Variants in MGAT1 observed in about 807,000 individuals in gnomAD.
MGAT1 encodes the protein N-glycosyl-oligosaccharide-glycoprotein N-acetylglucosaminyltransferase I.
A neutral mutation model predicts 31.7 loss-of-function variants in MGAT1; 14 were observed. The observed-to-expected ratio is 0.44, with a 90% CI of 0.29 to 0.69. The LOEUF (loss-of-function observed/expected upper bound fraction) is 0.69, where lower values mean the gene tolerates loss of function less well. Among genes scored for constraint, MGAT1 ranks in the 30% least tolerant of loss-of-function variants. The pLI is 0.12. For synonymous variants in MGAT1, 338 were observed against 276.0 expected, an observed-to-expected ratio of 1.22 and a Z score of -2.23; for missense variants, 557 against 626.0, an observed-to-expected ratio of 0.89 and a Z score of 1.18.
rs1330486305 is a variant in MGAT1, at chr5:180,787,706, C to T, written c.*3928G>A. 2.0e-5 allele frequency: 3 copies of T among 152,256 alleles called. No homozygotes were observed. The highest frequency in any genetic ancestry group is 4.4e-5 in the Non-Finnish European group (3 of 68,070). 9.4% of individuals were successfully genotyped at this position (152,256 alleles called of 1,614,324 possible). A position where few individuals can be genotyped will look rare whatever the true frequency, so the allele number is the denominator to read the frequency against. On this transcript the variant is annotated 3_prime_UTR_variant, in exon 2 of 2. Transcript: ENST00000307826. ...TATCTAACCCTCTAAATGCCCCCCACCTCCCACCCTCTTGGCCTGCTCTGA... is the reference window on the plus strand; with the variant it reads ...TATCTAACCCTCTAAATGCCCCCCATCTCCCACCCTCTTGGCCTGCTCTGA...
chr5:180,787,028 G>A lies in MGAT1; in HGVS notation c.*4606C>T, dbSNP rs1394517901. The stretch of plus-strand genomic sequence containing the variant: ...TCGAGGGAGCCAAGGTGAACAGCAG[G>A]AAAAGGAAAGCAGTGGAGACAGAGA... On this transcript the variant is annotated 3_prime_UTR_variant, in exon 2 of 2. Transcript: ENST00000307826. 1 of 152,358 alleles carries A rather than the reference G, an allele frequency of 6.6e-6. No homozygotes were observed. Among genetic ancestry groups the A allele is most frequent in the Non-Finnish European group, 1.5e-5 (1 of 68,172 alleles). 9.4% of individuals were successfully genotyped at this position (152,358 alleles called of 1,614,324 possible). A position where few individuals can be genotyped will look rare whatever the true frequency, so the allele number is the denominator to read the frequency against.
Position 180,792,276 on chromosome 5 carries a change from G to A in MGAT1, c.696C>T (p.Asp232=). 6.2e-7 allele frequency: 1 copy of A among 1,612,284 alleles called. No individual in the cohort carries two copies. Among genetic ancestry groups the A allele is most frequent in the Non-Finnish European group, 8.5e-7 (1 of 1,179,286 alleles). Residue 232 remains aspartate, a synonymous_variant, in exon 2 of 2, where the codon GAC becomes GAT. Transcript: ENST00000307826. ...AGGCCGAGACGCACCACAGGGAGGG[G>A]TCGGCCTTCAGCAGCGGATAGGTGG... is the stretch of plus-strand genomic sequence containing the variant. ...FRATYPLLKA[D]PSLWCVSAWN...
At chr5:180,800,488 G>C (rs1209246818) in intron 1 of MGAT1, among the ~76,000 whole-genome samples, 4 of 152,196 alleles carry the variant, frequency 2.6e-5, no homozygotes, top group Admixed American at 2.6e-4. Context: ...CATGTCTGTA[G>C]GATGATGTTG....
upstream of MGAT1, chr5:180,803,951 G>GA (rs1390308887): frequency 6.6e-6 from 1 of 152,538 alleles, no homozygotes; most frequent in African/African-American, 2.4e-5. Flanking sequence ...CCAGAGCACG[G>GA]AGCAGCCCGG....
intron 1 of MGAT1, chr5:180,795,454 T>C (rs1014407737): frequency 6.6e-6 from 1 of 152,158 alleles, no homozygotes. Flanking sequence ...ATATGGACAG[T>C]AGGTTAAAGT....
chr5:180,796,607 G>GT (rs1016451383), intron 1 of MGAT1, among the ~76,000 whole-genome samples: 39 of 151,832 alleles, frequency 2.6e-4, no homozygotes, highest in Admixed American at 7.2e-4. Context: ...AAGAGTTTCA[G>GT]TTTTTTTTCT....
intron 1 of MGAT1, among the ~76,000 whole-genome samples, chr5:180,797,091 A>G (rs1181781389): frequency 6.6e-6 from 1 of 152,008 alleles, no homozygotes; most frequent in African/African-American, 2.4e-5. Context: ...TATTCAGTGA[A>G]GTGCTGCTCT....
Position 180,789,367 on chromosome 5 carries a change from C to A in MGAT1, c.*2267G>T, listed in dbSNP as rs1368015175. ...GTGCGATCTCAGGTCACTGCAACCA[C>A]CCCGTCCCGGGTTCAAGCAATTCTC... On this transcript the variant is annotated 3_prime_UTR_variant, in exon 2 of 2. Transcript: ENST00000307826. 1 of 152,248 alleles carries A rather than the reference C, an allele frequency of 6.6e-6. No individual in the cohort carries two copies. The highest frequency in any genetic ancestry group is 1.5e-5 in the Non-Finnish European group (1 of 68,120). 9.4% of individuals were successfully genotyped at this position (152,248 alleles called of 1,614,324 possible).
At chr5:180,796,492 C>T (rs1769398534) in intron 1 of MGAT1, among the ~76,000 whole-genome samples, 1 of 152,154 alleles carries the variant, frequency 6.6e-6, no homozygotes, top group Non-Finnish European at 1.5e-5. Flanking sequence ...TACTGCTGTG[C>T]CCAGCTGGGG....
At chr5:180,796,261 A>C (rs10464106) in intron 1 of MGAT1, among the ~76,000 whole-genome samples, 18,932 of 152,098 alleles carry the variant, frequency 0.12, 1,253 homozygotes, top group East Asian at 0.24. Context: ...GGGAGACTTC[A>C]CCAGCCCCTG....
intron 2 of MGAT1, among the ~76,000 whole-genome samples, chr5:180,808,146 C>T (rs565452713): frequency 7.2e-5 from 11 of 152,154 alleles, no homozygotes; most frequent in Non-Finnish European, 1.5e-4. Context: ...TGCTCTTTTC[C>T]CGAGCTTTCA....
chr5:180,792,092 G>T lies in MGAT1; in HGVS notation c.880C>A (p.Arg294=), dbSNP rs369862178. The T allele has an allele frequency of 1.2e-6, 2 of 1,613,060 alleles. No individual in the cohort carries two copies. Among genetic ancestry groups the T allele is most frequent in the Non-Finnish European group, 1.7e-6 (2 of 1,179,890 alleles). Residue 294 remains arginine, a synonymous_variant, in exon 2 of 2, where the codon CGG becomes AGG. Transcript: ENST00000307826. ...GCCCGCCCCTGCCGCTGCTCCGGCC[G>T]CCGCATCCAGTCGTCCCAGAAGGCC... ...PKAFWDDWMR[R]PEQRQGRACI...
Position 180,792,528 on chromosome 5 carries a change from C to T in MGAT1, c.444G>A (p.Thr148=), listed in dbSNP as rs7726357. The change falls in exon 2 of 2, where the codon ACG becomes ACA. Residue 148 remains threonine (T), a synonymous_variant. Transcript: ENST00000307826. ...IVSQDCGHEE[T]AQAIASYGSA... is the part of the protein sequence containing the mutation. ...TGCCGTAGGAGGCGATGGCCTGGGCCGTCTCCTCGTGCCCGCAGTCCTGGC... is the reference window on the plus strand; with the variant it reads ...TGCCGTAGGAGGCGATGGCCTGGGCTGTCTCCTCGTGCCCGCAGTCCTGGC... The T allele has an allele frequency of 4.1e-4, 661 of 1,612,986 alleles. 4 individuals carry two copies. The African/African-American group carries it at 7.3e-3, about 18-fold the overall frequency.
intron 1 of MGAT1, chr5:180,811,517 G>A (rs1772566172): frequency 6.6e-6 from 1 of 152,080 alleles, no homozygotes; most frequent in East Asian, 1.9e-4. Context: ...AGAACCAGAA[G>A]AGCCAGCTTC....
At chr5:180,802,249 A>G (rs1349281416) in intron 1 of MGAT1, among the ~76,000 whole-genome samples, 3 of 152,172 alleles carry the variant, frequency 2.0e-5, no homozygotes, top group Admixed American at 6.5e-5. Flanking sequence ...TATTATATAT[A>G]TATTTCAACA....
intron 1 of MGAT1, chr5:180,811,132 G>A (rs1269922004): frequency 6.6e-6 from 1 of 152,232 alleles, no homozygotes; most frequent in Non-Finnish European, 1.5e-5. Context: ...CGACATGTTC[G>A]AGAATCTTGC....
chr5:180,793,538 C>T (rs1044975870), intron 1 of MGAT1, among the ~76,000 whole-genome samples: 5 of 152,128 alleles, frequency 3.3e-5, no homozygotes, highest in Middle Eastern at 3.2e-3. Flanking sequence ...AGGAGCAAAA[C>T]GAAGTTGCCC....
Position 180,786,085 on chromosome 5 carries a change from TTGC to T in MGAT1, c.*5546_*5548del, listed in dbSNP as rs1182618880. 1 of 152,332 alleles carries T rather than the reference TTGC, an allele frequency of 6.6e-6. No individual in the cohort carries two copies. Among genetic ancestry groups the T allele is most frequent in the Non-Finnish European group, 1.5e-5 (1 of 68,082 alleles). 9.4% of individuals were successfully genotyped at this position (152,332 alleles called of 1,614,324 possible). A position where few individuals can be genotyped will look rare whatever the true frequency, so the allele number is the denominator to read the frequency against. ...CCTGGTAGCTGAACCAGGGCAGCAT[TTGC>T]TGTGAGCTGGGAGCCATGTGTTGAA... On this transcript the variant is annotated 3_prime_UTR_variant, in exon 2 of 2. Transcript: ENST00000307826.
At chr5:180,805,960 G>C (rs1771802398), upstream of MGAT1, among the ~76,000 whole-genome samples, 1 of 151,896 alleles carries the variant, frequency 6.6e-6, no homozygotes, top group Non-Finnish European at 1.5e-5. Flanking sequence ...ATTCTTTTTG[G>C]AATAAAGAAG....
Sources: allele counts gnomAD v4.1 joint callset (sites outside exome capture counted in the v4.1 genomes callset), GRCh38; gene constraint gnomAD v4.1.1; transcripts MANE v1.5; gene names NCBI Gene and HGNC (gene_info 2026-07-23, HGNC 2026-07-21).